MARK2: variants seen among roughly 807,000 people sequenced by gnomAD.
MARK2 encodes the protein serine/threonine-protein kinase MARK2.
In MARK2, 16 loss-of-function variants were observed where a neutral mutation model predicts 89.8. The ratio of observed to expected loss-of-function variants is 0.18; its 90% confidence interval spans 0.12 to 0.27. The LOEUF is 0.27. Among genes scored for constraint, MARK2 ranks in the 10% least tolerant of loss-of-function variants. The probability of loss-of-function intolerance (pLI) is 1.00; values close to 1 mark genes in which losing one functional copy is unlikely to be tolerated. For missense variants in MARK2, 621 were observed against 1,049.9 expected (o/e 0.59, Z 5.65); for synonymous variants, 382 against 399.5 (o/e 0.96, Z 0.52).
chr11:63,871,185 G>T (rs559998868), intron 1 of MARK2, among the ~76,000 whole-genome samples: 2 of 152,312 alleles, frequency 1.3e-5, no homozygotes, highest in Non-Finnish European at 2.9e-5. Flanking sequence ...TAAATACGAA[G>T]CCATCACTTC....
At chr11:63,844,920 A>G (rs925410520) in intron 1 of MARK2, among the ~76,000 whole-genome samples, 2 of 152,160 alleles carry the variant, frequency 1.3e-5, no homozygotes, top group African/African-American at 4.8e-5. Flanking sequence ...CTTATGTATT[A>G]TGTCGACTTG....
chr11:63,886,702 G>A lies in MARK2; in HGVS notation c.55-8457G>A, dbSNP rs2135302741. Reference sequence around the variant, plus strand: ...GCCTCTCAAAGTGCTGGGATTACATGGTGGGGGCCACCATGCTTGGCCCCC... The same window carrying A: ...GCCTCTCAAAGTGCTGGGATTACATAGTGGGGGCCACCATGCTTGGCCCCC... On this transcript the variant is annotated intron_variant, in intron 1 of 18. Coordinates refer to ENST00000402010, the MANE Select transcript of MARK2 (RefSeq NM_001039469.3). 3.3e-5 allele frequency among the ~76,000 whole-genome samples: 5 copies of A among 152,324 alleles called. No homozygotes were observed. In the South Asian group the frequency reaches 1.0e-3, roughly 32 times the overall value.
intron 1 of MARK2, among the ~76,000 whole-genome samples, chr11:63,842,611 A>G (rs544112591): frequency 6.6e-6 from 1 of 152,250 alleles, no homozygotes; most frequent in South Asian, 2.1e-4. Flanking sequence ...CATGCCACCA[A>G]GTGAAAGAAA....
At position 63,839,491 on chromosome 11, in the gene MARK2, C is replaced by A; in HGVS notation, c.-16C>A. 1 of 1,516,620 alleles carries A rather than the reference C, an allele frequency of 6.6e-7. No homozygotes were observed. The highest frequency in any genetic ancestry group is 8.9e-7 in the Non-Finnish European group (1 of 1,122,878). 93.9% of individuals were successfully genotyped at this position (1,516,620 alleles called of 1,614,324 possible). A position where few individuals can be genotyped will look rare whatever the true frequency, so the allele number is the denominator to read the frequency against. ...CCTCCAAGCTTCTCGGTTCCCTCCC[C>A]CGAGATACCGGCGCCATGTCCAGCG... On this transcript the variant is annotated 5_prime_UTR_variant, in exon 1 of 19. Transcript: ENST00000402010.
At position 63,903,637 on chromosome 11, in the gene MARK2, A is replaced by C. The variant is rs1367231673; in HGVS notation, c.1515-349A>C. On this transcript the variant is annotated intron_variant, in intron 14 of 18. Transcript: ENST00000402010. This position sits in a 1 kb window ranked among gnomAD's most constrained non-coding sequence, Gnocchi z 5.1. Reference sequence around the variant, plus strand: ...GCTCTATCTCTTCTGAGTTTATGAAAGTTTCCCCTCAGCAACACCCCACTC... The same window carrying C: ...GCTCTATCTCTTCTGAGTTTATGAACGTTTCCCCTCAGCAACACCCCACTC... Among the ~76,000 whole-genome samples the C allele has an allele frequency of 6.6e-6, 1 of 151,870 alleles. No individual in the cohort carries two copies. The highest frequency in any genetic ancestry group is 2.4e-5 in the African/African-American group (1 of 41,308).
chr11:63,898,987 G>T, intron 6 of MARK2, 65 bp from the exon 7 acceptor site: 1 of 1,281,292 alleles, frequency 7.8e-7, no homozygotes. Context: ...CAGGGTCACT[G>T]CTCTGTCAGC....
intron 1 of MARK2, among the ~76,000 whole-genome samples, chr11:63,860,536 A>G: frequency 6.8e-6 from 1 of 147,276 alleles, no homozygotes; most frequent in African/African-American, 2.5e-5. Context: ...TGGGTGACAG[A>G]GACTCCCTCT....
chr11:63,845,929 G>A (rs2016255534), intron 1 of MARK2, among the ~76,000 whole-genome samples: 1 of 151,974 alleles, frequency 6.6e-6, no homozygotes, highest in African/African-American at 2.4e-5. Context: ...CACCATGTTG[G>A]CCAGGCTGGT....
chr11:63,900,529 T>A lies in MARK2; in HGVS notation c.769-30T>A. ...TTCTTCCTTTGGCCTTGGGGTGATT[T>A]CAATTTTCTAACCCTGGATCCTCCT... On this transcript the variant is annotated intron_variant, in intron 8 of 18. Coordinates refer to ENST00000402010, the MANE Select transcript of MARK2 (RefSeq NM_001039469.3). This position sits in a 1 kb window ranked among gnomAD's most constrained non-coding sequence, Gnocchi z 4.7. 6.2e-7 allele frequency: 1 copy of A among 1,611,048 alleles called. No individual in the cohort carries two copies. Among genetic ancestry groups the A allele is most frequent in the Non-Finnish European group, 8.5e-7 (1 of 1,178,462 alleles).
chr11:63,870,521 G>C (rs1938386858), intron 1 of MARK2, among the ~76,000 whole-genome samples: 1 of 152,154 alleles, frequency 6.6e-6, no homozygotes, highest in Non-Finnish European at 1.5e-5. Context: ...CCCGTGGTGA[G>C]TTAGGAAAGC....
intron 1 of MARK2, among the ~76,000 whole-genome samples, chr11:63,868,151 G>C (rs759637350): frequency 2.0e-5 from 3 of 152,106 alleles, no homozygotes; most frequent in Non-Finnish European, 4.4e-5. Context: ...CCGCACTTTG[G>C]GAGGTAGAAG....
rs369307518 is a variant in MARK2 at position 63,904,799 on chromosome 11, C to T, written c.1690C>T (p.Arg564Cys). 11 of 1,613,924 alleles carry T rather than the reference C, an allele frequency of 6.8e-6. No individual in the cohort carries two copies. The highest frequency in any genetic ancestry group is 4.5e-5 in the East Asian group (2 of 44,882). Residue 564 changes from arginine (R) to cysteine (C), a missense_variant, in exon 16 of 19, where the codon CGT becomes TGT. This residue lies in a region of MARK2 where 397 missense variants were observed against 567.8 expected (regional missense o/e 0.70). Coordinates refer to ENST00000402010, the MANE Select transcript of MARK2 (RefSeq NM_001039469.3). This position sits in a 1 kb window ranked among gnomAD's most constrained non-coding sequence, Gnocchi z 6.3. ...EVPRPSTAPQ[R>C]VPVASPSAHN... is the part of the protein sequence containing the mutation. ...CTCTTCCCACAGCACAGCCCCCCAGCGTGTCCCTGTTGCCTCCCCATCCGC... is the reference window on the plus strand; with the variant it reads ...CTCTTCCCACAGCACAGCCCCCCAGTGTGTCCCTGTTGCCTCCCCATCCGC...
intron 1 of MARK2, among the ~76,000 whole-genome samples, chr11:63,860,278 G>T (rs1412556977): frequency 6.6e-6 from 1 of 152,064 alleles, no homozygotes; most frequent in Non-Finnish European, 1.5e-5. Flanking sequence ...TGTCGGCTGG[G>T]TGCAGTGGCT....
chr11:63,909,503 G>C lies in MARK2; in HGVS notation c.*266G>C, dbSNP rs1171584341. ...GCAAAGGAAGGGGAGGGTGGATGGG[G>C]GGGCAGGGCTCCCCCTCGGTACTGC... is the stretch of plus-strand genomic sequence containing the variant. On this transcript the variant is annotated 3_prime_UTR_variant, in exon 19 of 19. Transcript: ENST00000402010. 2.7e-6 allele frequency: 1 copy of C among 368,454 alleles called. No homozygotes were observed. Among genetic ancestry groups the C allele is most frequent in the African/African-American group, 2.1e-5 (1 of 47,240 alleles). The allele number at this position is 368,454 out of a possible 1,614,324, so 22.8% of individuals were successfully genotyped here.
intron 1 of MARK2, among the ~76,000 whole-genome samples, chr11:63,894,422 C>T (rs888314140): frequency 1.1e-4 from 16 of 152,240 alleles, no homozygotes; most frequent in African/African-American, 3.4e-4. Context: ...TATGGCTGGG[C>T]GCAGTGGCTC....
chr11:63,867,793 A>G (rs1938216567), intron 1 of MARK2, among the ~76,000 whole-genome samples: 1 of 152,194 alleles, frequency 6.6e-6, no homozygotes, highest in African/African-American at 2.4e-5. Flanking sequence ...ATGGAAAGCC[A>G]GGTCCTAGCT....
At position 63,910,574 on chromosome 11, in the gene MARK2, C is replaced by T. The variant is rs1941686604; in HGVS notation, c.*1337C>T. 6.6e-6 allele frequency: 1 copy of T among 151,998 alleles called. No homozygotes were observed. The highest frequency in any genetic ancestry group is 2.4e-5 in the African/African-American group (1 of 41,384). The allele number at this position is 151,998 out of a possible 1,614,324, so 9.4% of individuals were successfully genotyped here. ...TCTTGAGAAATTGGGGGTGGGAGTCCTACACAGAGGCTGCCCCTACCCTCA... is the reference window on the plus strand; with the variant it reads ...TCTTGAGAAATTGGGGGTGGGAGTCTTACACAGAGGCTGCCCCTACCCTCA... On this transcript the variant is annotated 3_prime_UTR_variant, in exon 19 of 19. Coordinates refer to ENST00000402010, the MANE Select transcript of MARK2 (RefSeq NM_001039469.3).
At chr11:63,892,624 C>A (rs1939967567) in intron 1 of MARK2, among the ~76,000 whole-genome samples, 1 of 151,874 alleles carries the variant, frequency 6.6e-6, no homozygotes, top group African/African-American at 2.4e-5. Flanking sequence ...GGATGAGGCT[C>A]TGGCCTCATA....
In MARK2 at chr11:63,909,586, G is replaced by GA. The variant is rs915213852; in HGVS notation, c.*359dup. The stretch of plus-strand genomic sequence containing the variant: ...ATTTTTTATTACCAAAAAGAAAAAA[G>GA]AAAAAAAAAATCCCAGCGGCCACCT... On this transcript the variant is annotated 3_prime_UTR_variant, in exon 19 of 19. Transcript: ENST00000402010. 143 of 168,166 alleles carry GA rather than the reference G, an allele frequency of 8.5e-4. No individual in the cohort carries two copies. Among genetic ancestry groups the GA allele is most frequent in the Non-Finnish European group, 1.1e-3 (89 of 79,490 alleles). 10.4% of individuals were successfully genotyped at this position (168,166 alleles called of 1,614,324 possible).
Sources: allele counts gnomAD v4.1 joint callset (sites outside exome capture counted in the v4.1 genomes callset), GRCh38; gene constraint gnomAD v4.1.1; regional missense constraint gnomAD v4.1.1; non-coding constraint Gnocchi (gnomAD v3.1); transcripts MANE v1.5; gene names NCBI Gene and HGNC (gene_info 2026-07-23, HGNC 2026-07-21).